Variants in NDUFB4 observed in about 807,000 individuals in gnomAD.
NDUFB4 encodes NADH dehydrogenase [ubiquinone] 1 beta subcomplex subunit 4.
NDUFB4 carries 10 observed loss-of-function variants against 14.5 expected under a neutral mutation model. That is an observed-to-expected ratio of 0.69 (90% confidence interval 0.43 to 1.17). The LOEUF (loss-of-function observed/expected upper bound fraction) is 1.17. Among genes scored for constraint, NDUFB4 ranks in the 50% most tolerant of loss-of-function variants. The probability of loss-of-function intolerance (pLI) is 0.00; values close to 1 mark genes in which losing one functional copy is unlikely to be tolerated. For missense variants in NDUFB4, 165 were observed against 161.1 expected (o/e 1.02, Z -0.13); for synonymous variants, 65 against 63.4 (o/e 1.03, Z -0.12).
chr3:120,599,943 A>G (rs954962542), intron 1 of NDUFB4, among the ~76,000 whole-genome samples: 3 of 151,850 alleles, frequency 2.0e-5, no homozygotes, highest in African/African-American at 7.3e-5. Flanking sequence ...ATAATAAACA[A>G]TGCTGCAGAA....
intron 1 of NDUFB4, among the ~76,000 whole-genome samples, chr3:120,598,620 C>T (rs1189329695): frequency 4.6e-5 from 7 of 152,042 alleles, no homozygotes; most frequent in Admixed American, 4.6e-4. Flanking sequence ...TAAGCAGCTA[C>T]AATCTTAGGC....
chr3:120,596,768 CT>C (rs1559772763), intron 1 of NDUFB4: 5 of 547,710 alleles, frequency 9.1e-6, no homozygotes, highest in African/African-American at 3.8e-5. Flanking sequence ...CACTTCCTGC[CT>C]GCGTGACCTT....
chr3:120,600,235 A>G (rs1375218814), intron 1 of NDUFB4, among the ~76,000 whole-genome samples: 1 of 151,400 alleles, frequency 6.6e-6, no homozygotes, highest in African/African-American at 2.4e-5. Context: ...TAGTCCTACA[A>G]ATCATGACTT....
rs145160396 is a variant in NDUFB4 at position 120,599,649 on chromosome 3, C to T, written c.181-1462C>T. Among the ~76,000 whole-genome samples the T allele has an allele frequency of 3.1e-3, 475 of 152,140 alleles. 2 individuals are homozygous for T. Among genetic ancestry groups the T allele is most frequent in the African/African-American group, 0.011 (456 of 41,490 alleles). ...TCTCTTCATAGTGTGTCTTTTGGAA[C>T]CTCTCAATAACATTACCGGGCTTAA... is the stretch of plus-strand genomic sequence containing the variant. On this transcript the variant is annotated intron_variant, in intron 1 of 2. Transcript: ENST00000184266.
chr3:120,597,108 C>T (rs773205010), intron 1 of NDUFB4, among the ~76,000 whole-genome samples: 4 of 144,134 alleles, frequency 2.8e-5, no homozygotes, highest in Non-Finnish European at 6.1e-5. Flanking sequence ...TGGTGTTTAC[C>T]TTTCAGTTCA....
At chr3:120,601,973 G>T in intron 2 of NDUFB4, 1 of 1,261,450 alleles carries the variant, frequency 7.9e-7, no homozygotes, top group Non-Finnish European at 9.9e-7. Context: ...TTTTGAATAG[G>T]AGCATTTTCT....
At chr3:120,597,308 T>C (rs1162687466) in intron 1 of NDUFB4, among the ~76,000 whole-genome samples, 9 of 152,058 alleles carry the variant, frequency 5.9e-5, no homozygotes, top group Non-Finnish European at 1.3e-4. Flanking sequence ...GTTTCGTATA[T>C]AAATGATGTG....
In NDUFB4 at chr3:120,602,394, A is replaced by C; in HGVS notation, c.*124A>C. ...TAAAAACTATTAACACCCTAACAACACAGAAGCAGACGCAGCCCGTGTTGG... is the reference window on the plus strand; with the variant it reads ...TAAAAACTATTAACACCCTAACAACCCAGAAGCAGACGCAGCCCGTGTTGG... On this transcript the variant is annotated 3_prime_UTR_variant, in exon 3 of 3. Transcript: ENST00000184266. The C allele has an allele frequency of 1.2e-6, 1 of 859,814 alleles. No homozygotes were observed. The highest frequency in any genetic ancestry group is 1.8e-6 in the Non-Finnish European group (1 of 564,438). 53.3% of individuals were successfully genotyped at this position (859,814 alleles called of 1,614,324 possible).
chr3:120,596,669 C>A, intron 1 of NDUFB4, 130 bp downstream of exon 1: 1 of 1,020,598 alleles, frequency 9.8e-7, no homozygotes, highest in Non-Finnish European at 1.4e-6. Context: ...GCCTAGCCAA[C>A]TCACTACCCT....
intron 2 of NDUFB4, 191 bp downstream of exon 2, chr3:120,601,448 C>G (rs1304319794): frequency 3.5e-6 from 5 of 1,421,474 alleles, no homozygotes; most frequent in Non-Finnish European, 4.6e-6. Context: ...TTTCAGTCAC[C>G]TTTGTCTATT....
At chr3:120,600,693 A>G (rs563613668) in intron 1 of NDUFB4, among the ~76,000 whole-genome samples, 3 of 152,224 alleles carry the variant, frequency 2.0e-5, no homozygotes, top group African/African-American at 7.2e-5. Flanking sequence ...GATAGAGCAT[A>G]TGAAATCTGT....
At chr3:120,597,866 T>A (rs1287424637) in intron 1 of NDUFB4, among the ~76,000 whole-genome samples, 4 of 152,104 alleles carry the variant, frequency 2.6e-5, no homozygotes, top group Non-Finnish European at 4.4e-5. Context: ...TAAAAAAGAA[T>A]AAGGCCTCAG....
intron 1 of NDUFB4, chr3:120,600,809 CTTCTCTGACAG>C: frequency 3.3e-6 from 1 of 298,706 alleles, no homozygotes; most frequent in Non-Finnish European, 6.1e-6. Context: ...GAAAAAGTGG[CTTCTCTGACAG>C]TTAGATTAGG....
intron 1 of NDUFB4, among the ~76,000 whole-genome samples, chr3:120,597,980 T>C (rs1246040769): frequency 6.6e-6 from 1 of 152,168 alleles, no homozygotes; most frequent in Non-Finnish European, 1.5e-5. Context: ...CCAGTCTCTT[T>C]GGTTCTGTTG....
In NDUFB4 at chr3:120,596,352, T is replaced by G. The variant is rs746085425; in HGVS notation, c.-8T>G. Reference sequence around the variant, plus strand: ...CGCGCAGGCGCAATTGTGCCCTGGTTCGCCAAGATGTCGTTCCCAAAGTAT... The same window carrying G: ...CGCGCAGGCGCAATTGTGCCCTGGTGCGCCAAGATGTCGTTCCCAAAGTAT... On this transcript the variant is annotated 5_prime_UTR_variant, in exon 1 of 3. Coordinates refer to ENST00000184266, the MANE Select transcript of NDUFB4 (RefSeq NM_004547.6). The G allele has an allele frequency of 3.7e-6, 6 of 1,613,928 alleles. No individual in the cohort carries two copies. The highest frequency in any genetic ancestry group is 2.2e-5 in the East Asian group (1 of 44,878).
chr3:120,602,366 T>C lies in NDUFB4; in HGVS notation c.*96T>C. ...CTTTCTTAGTATTACCTTGATTCAA[T>C]GTTAAAAACTATTAACACCCTAACA... On this transcript the variant is annotated 3_prime_UTR_variant, in exon 3 of 3. Transcript: ENST00000184266. 1 of 1,209,820 alleles carries C rather than the reference T, an allele frequency of 8.3e-7. No individual in the cohort carries two copies. Among genetic ancestry groups the C allele is most frequent in the Non-Finnish European group, 1.2e-6 (1 of 853,744 alleles). 74.9% of individuals were successfully genotyped at this position (1,209,820 alleles called of 1,614,324 possible).
At position 120,601,100 on chromosome 3, in the gene NDUFB4, A is replaced by G. The variant is rs746170505; in HGVS notation, c.181-11A>G. ...TTAAGTTCTATAACTTTTTGTTTTCATTAATTTTAGGAAAATCCTGCCTTG... is the reference window on the plus strand; with the variant it reads ...TTAAGTTCTATAACTTTTTGTTTTCGTTAATTTTAGGAAAATCCTGCCTTG... On this transcript the variant is annotated splice_polypyrimidine_tract_variant and intron_variant, in intron 1 of 2. Coordinates refer to ENST00000184266, the MANE Select transcript of NDUFB4 (RefSeq NM_004547.6). 3.8e-6 allele frequency: 6 copies of G among 1,597,628 alleles called. No individual in the cohort carries two copies. Among genetic ancestry groups the G allele is most frequent in the South Asian group, 1.1e-5 (1 of 87,374 alleles).
At chr3:120,599,789 C>T (rs545248299) in intron 1 of NDUFB4, among the ~76,000 whole-genome samples, 1 of 152,012 alleles carries the variant, frequency 6.6e-6, no homozygotes, top group East Asian at 1.9e-4. Context: ...GAGAAGTCTG[C>T]CATTTGATAG....
At position 120,602,247 on chromosome 3, in the gene NDUFB4, C is replaced by T. The variant is rs1429794873; in HGVS notation, c.367C>T (p.Arg123Ter). 9.9e-6 allele frequency: 16 copies of T among 1,610,444 alleles called. No individual in the cohort carries two copies. The highest frequency in any genetic ancestry group is 1.3e-5 in the African/African-American group (1 of 74,738). The part of the protein sequence containing the change: ...EKLIQEGKLD[R>*]TFHLSY ...ACTTATCCAGGAAGGAAAATTGGAT[C>T]GAACATTTCACCTCTCATATTAAGT... Residue 123 changes from arginine to a stop codon, truncating the protein, a stop_gained, in exon 3 of 3, where the codon CGA (arginine) becomes TGA (stop). Transcript: ENST00000184266. LOFTEE classifies it high-confidence loss of function.
Sources: allele counts gnomAD v4.1 joint callset (sites outside exome capture counted in the v4.1 genomes callset), GRCh38; gene constraint gnomAD v4.1.1; transcripts MANE v1.5; gene names NCBI Gene and HGNC (gene_info 2026-07-23, HGNC 2026-07-21).